Variants in CD226 observed in about 807,000 individuals in gnomAD.
CD226 encodes CD226 antigen.
A neutral mutation model predicts 34.9 loss-of-function variants in CD226; 24 were observed. The ratio of observed to expected loss-of-function variants is 0.69; its 90% CI spans 0.50 to 0.97. The LOEUF is 0.97. Ranked by LOEUF, CD226 falls within the 50% of genes least tolerant of loss-of-function variation. The pLI, the probability that CD226 is intolerant of heterozygous loss-of-function variation, is 0.00. For synonymous variants in CD226, 148 were observed against 147.4 expected, an observed-to-expected ratio of 1.00 and a Z score of -0.03; for missense variants, 397 against 412.7, an observed-to-expected ratio of 0.96 and a Z score of 0.33.
At position 69,932,993 on chromosome 18, in the gene CD226, G is replaced by A. The variant is rs79864321; in HGVS notation, c.382+13741C>T. Among the ~76,000 whole-genome samples the A allele has an allele frequency of 2.2e-4, 33 of 152,304 alleles. 2 individuals are homozygous for A. The East Asian group carries it at 6.0e-3, about 28-fold the overall frequency. On this transcript the variant is annotated intron_variant, in intron 2 of 5. Transcript: ENST00000582621. Reference sequence around the variant, plus strand: ...ATAGAATTAAAGAGCGGGGAAATGGGAAGGAGAAACTTGCAGCAGGGGAGC... The same window carrying A: ...ATAGAATTAAAGAGCGGGGAAATGGAAAGGAGAAACTTGCAGCAGGGGAGC...
intron 2 of CD226, among the ~76,000 whole-genome samples, chr18:69,905,820 A>G (rs1487322536): frequency 6.6e-6 from 1 of 152,240 alleles, no homozygotes; most frequent in Admixed American, 6.5e-5. Context: ...CCCTGATGGC[A>G]TCTGCAGAGA....
chr18:69,936,380 T>C (rs80309668), intron 2 of CD226, among the ~76,000 whole-genome samples: 1 of 152,182 alleles, frequency 6.6e-6, no homozygotes, highest in Non-Finnish European at 1.5e-5. Flanking sequence ...CTGGTAACCA[T>C]CCACTTTCAG....
chr18:69,889,563 G>A (rs1039906104), intron 3 of CD226, among the ~76,000 whole-genome samples: 1 of 151,738 alleles, frequency 6.6e-6, no homozygotes, highest in Admixed American at 6.6e-5. Flanking sequence ...CAAACTGGTT[G>A]GTTTTTGACA....
At chr18:69,901,712 T>C (rs2055186882) in intron 2 of CD226, among the ~76,000 whole-genome samples, 1 of 152,024 alleles carries the variant, frequency 6.6e-6, no homozygotes, top group Admixed American at 6.5e-5. Flanking sequence ...ACCCCGTCTC[T>C]ACTAAAAATA....
At position 69,875,918 on chromosome 18, in the gene CD226, G is replaced by A. The variant is rs543043016; in HGVS notation, c.728-2672C>T. Among the ~76,000 whole-genome samples the A allele has an allele frequency of 1.3e-3, 197 of 152,296 alleles. 3 individuals are homozygous for A. The highest frequency in any genetic ancestry group is 4.4e-3 in the South Asian group (21 of 4,824). On this transcript the variant is annotated intron_variant, in intron 3 of 5. Transcript: ENST00000582621. Reference sequence around the variant, plus strand: ...GTTGCCAGGAGGTGGGAGGGCAGAAGATAGGGAGACGCTGGCTAAAGGGTA... The same window carrying A: ...GTTGCCAGGAGGTGGGAGGGCAGAAAATAGGGAGACGCTGGCTAAAGGGTA...
rs1259420529 is a variant in CD226, at chr18:69,947,308, C to A, written c.46+53G>T. On this transcript the variant is annotated intron_variant, in intron 1 of 5. Transcript: ENST00000582621. ...TAAATTCTGAATATGCCACACTGTA[C>A]AAACAAAAACAGGAGCAAAACTTTT... 35 of 1,246,678 alleles carry A rather than the reference C, an allele frequency of 2.8e-5. No homozygotes were observed. Among genetic ancestry groups the A allele is most frequent in the South Asian group, 1.3e-4 (10 of 74,486 alleles). The allele number at this position is 1,246,678 out of a possible 1,614,324, so 77.2% of individuals were successfully genotyped here. A position where few individuals can be genotyped will look rare whatever the true frequency, so the allele number is the denominator to read the frequency against.
chr18:69,875,625 T>C (rs1355493473), intron 3 of CD226, among the ~76,000 whole-genome samples: 10 of 152,222 alleles, frequency 6.6e-5, no homozygotes, highest in Non-Finnish European at 1.3e-4. Flanking sequence ...TTGATTTGCA[T>C]TTCCCTGATG....
At chr18:69,889,022 G>C (rs1000276595) in intron 3 of CD226, among the ~76,000 whole-genome samples, 1 of 151,906 alleles carries the variant, frequency 6.6e-6, no homozygotes, top group African/African-American at 2.4e-5. Context: ...TAACTGACCG[G>C]TTGCATTTTT....
At chr18:69,893,481 G>A (rs1317766984) in intron 3 of CD226, among the ~76,000 whole-genome samples, 1 of 152,082 alleles carries the variant, frequency 6.6e-6, no homozygotes, top group Admixed American at 6.5e-5. Flanking sequence ...TACTTTTTCA[G>A]CATATAATGG....
chr18:69,950,407 A>C (rs1350617550), upstream of CD226, among the ~76,000 whole-genome samples: 1 of 152,232 alleles, frequency 6.6e-6, no homozygotes, highest in Admixed American at 6.5e-5. Context: ...AGACGAACAT[A>C]CAAATAAATG....
chr18:69,923,586 T>G (rs1047645016), intron 2 of CD226, among the ~76,000 whole-genome samples: 1 of 152,140 alleles, frequency 6.6e-6, no homozygotes, highest in Non-Finnish European at 1.5e-5. Context: ...TTAAGAGGAT[T>G]AATGGGAAAC....
At chr18:69,943,001 G>T (rs929963113) in intron 2 of CD226, among the ~76,000 whole-genome samples, 1 of 152,214 alleles carries the variant, frequency 6.6e-6, no homozygotes, top group African/African-American at 2.4e-5. Flanking sequence ...TTCCACTGGA[G>T]TTAAGATCTC....
intron 2 of CD226, among the ~76,000 whole-genome samples, chr18:69,903,615 A>G (rs1023832038): frequency 6.6e-6 from 1 of 152,090 alleles, no homozygotes; most frequent in Non-Finnish European, 1.5e-5. Context: ...CCCTAATCCA[A>G]TATGACCGTG....
chr18:69,944,613 A>C (rs985981927), intron 2 of CD226: 2 of 152,270 alleles, frequency 1.3e-5, no homozygotes, highest in Non-Finnish European at 2.9e-5. Flanking sequence ...CAAACTTTAA[A>C]GGCATACCAC....
rs906818361 is a variant in CD226, at chr18:69,857,285, T to C, written c.*7029A>G. The C allele has an allele frequency of 3.3e-5, 5 of 152,256 alleles. No individual in the cohort carries two copies. The highest frequency in any genetic ancestry group is 5.9e-5 in the Non-Finnish European group (4 of 68,038). 9.4% of individuals were successfully genotyped at this position (152,256 alleles called of 1,614,324 possible). A position where few individuals can be genotyped will look rare whatever the true frequency, so the allele number is the denominator to read the frequency against. ...GAAGCTACTGAGCCATTACATTTCT[T>C]TGTACATTTTTTATGTGAGCTAAAA... On this transcript the variant is annotated 3_prime_UTR_variant, in exon 6 of 6. Coordinates refer to ENST00000582621, the MANE Select transcript of CD226 (RefSeq NM_001303618.2).
chr18:69,883,413 T>A (rs1198970518), intron 3 of CD226, among the ~76,000 whole-genome samples: 1 of 152,160 alleles, frequency 6.6e-6, no homozygotes, highest in Non-Finnish European at 1.5e-5. Flanking sequence ...AAGAGTATAA[T>A]GGCACAAGGT....
At chr18:69,958,208 C>G (rs1267047444), upstream of CD226, among the ~76,000 whole-genome samples, 1 of 152,182 alleles carries the variant, frequency 6.6e-6, no homozygotes. Flanking sequence ...TTACTAGAGC[C>G]TGACAGGCAC....
intron 2 of CD226, among the ~76,000 whole-genome samples, chr18:69,912,619 T>C (rs59281396): frequency 0.016 from 2,378 of 152,362 alleles, 37 homozygotes; most frequent in African/African-American, 0.035. Context: ...GATTTGGCTA[T>C]ATTTCATGAT....
intron 3 of CD226, among the ~76,000 whole-genome samples, chr18:69,877,331 G>A (rs1018383699): frequency 1.3e-4 from 20 of 152,300 alleles, no homozygotes; most frequent in Admixed American, 1.1e-3. Flanking sequence ...TTGGTAGGGT[G>A]AGGCATGTGT....
Sources: allele counts gnomAD v4.1 joint callset (sites outside exome capture counted in the v4.1 genomes callset), GRCh38; gene constraint gnomAD v4.1.1; transcripts MANE v1.5; gene names NCBI Gene and HGNC (gene_info 2026-07-23, HGNC 2026-07-21).